LPIN2: variants seen among roughly 807,000 people sequenced by gnomAD.
LPIN2 encodes the protein lipin 2, also known as phosphatidate phosphatase LPIN2.
LPIN2 carries 55 observed loss-of-function variants against 111.4 expected under a neutral mutation model. That is an observed-to-expected ratio of 0.49 (90% CI 0.40 to 0.62). The LOEUF is 0.62. Ranked by LOEUF, LPIN2 falls within the 20% of genes least tolerant of loss-of-function variation. The pLI, the probability that LPIN2 is intolerant of heterozygous loss-of-function variation, is 0.00. For missense variants in LPIN2, 992 were observed against 1,112.1 expected (o/e 0.89, Z 1.54); for synonymous variants, 425 against 414.0 (o/e 1.03, Z -0.32).
At chr18:2,976,294 G>A (rs941726842) in intron 1 of LPIN2, among the ~76,000 whole-genome samples, 3 of 152,156 alleles carry the variant, frequency 2.0e-5, no homozygotes, top group African/African-American at 4.8e-5. Context: ...GTAAGAACCA[G>A]CCAGATGGAC....
chr18:2,932,035 G>A (rs2077218936), intron 8 of LPIN2, among the ~76,000 whole-genome samples: 1 of 152,170 alleles, frequency 6.6e-6, no homozygotes, highest in African/African-American at 2.4e-5. Flanking sequence ...TAAACTGGAT[G>A]TAACTGTTAT....
chr18:2,996,420 A>T (rs1429953811), intron 1 of LPIN2, among the ~76,000 whole-genome samples: 1 of 150,496 alleles, frequency 6.6e-6, no homozygotes, highest in Non-Finnish European at 1.5e-5. Flanking sequence ...AGGCATGGTG[A>T]CGTTGCAGAA....
chr18:2,987,104 T>C (rs1208496131), intron 1 of LPIN2, among the ~76,000 whole-genome samples: 1 of 152,240 alleles, frequency 6.6e-6, no homozygotes, highest in East Asian at 1.9e-4. Flanking sequence ...TTTTCTGTTC[T>C]GGGGTTATAT....
intron 1 of LPIN2, among the ~76,000 whole-genome samples, chr18:2,964,282 C>CAAAAAAAAAAA (rs56276815): frequency 1.8e-5 from 1 of 56,866 alleles, no homozygotes; most frequent in Non-Finnish European, 3.0e-5. Flanking sequence ...GACTCCGTCT[C>CAAAAAAAAAAA]AAAAAAAAAA....
In LPIN2 at chr18:3,006,560, G is replaced by A. The variant is rs116560714; in HGVS notation, c.-10+6527C>T. Among the ~76,000 whole-genome samples the A allele has an allele frequency of 8.8e-3, 1,346 of 152,106 alleles. 13 individuals carry two copies. The highest frequency in any genetic ancestry group is 0.027 in the African/African-American group (1,105 of 41,498). ...TACAAAAATTAGCCAAGCATGGGCC[G>A]GGCGCAGCGGCTCAAGCCTGTAATC... is the stretch of plus-strand genomic sequence containing the variant. On this transcript the variant is annotated intron_variant, in intron 1 of 19. Coordinates refer to ENST00000677752, the MANE Select transcript of LPIN2 (RefSeq NM_001375808.2).
chr18:2,918,572 C>G lies in LPIN2; in HGVS notation c.*1721G>C, dbSNP rs1204628840. On this transcript the variant is annotated 3_prime_UTR_variant, in exon 20 of 20. Transcript: ENST00000677752. ...TAAATAAACTCATTAAACAATTAGT[C>G]CTTATCAACTATTTAAGCTGGGGGA... 3 of 152,148 alleles carry G rather than the reference C, an allele frequency of 2.0e-5. No homozygotes were observed. The highest frequency in any genetic ancestry group is 4.4e-5 in the Non-Finnish European group (3 of 68,036). The allele number at this position is 152,148 out of a possible 1,614,324, so 9.4% of individuals were successfully genotyped here.
chr18:2,946,416 A>T, intron 4 of LPIN2: 1 of 1,465,622 alleles, frequency 6.8e-7, no homozygotes, highest in South Asian at 1.1e-5. Context: ...TTACAGCAAG[A>T]CCAACCCTTT....
chr18:2,924,579 G>A, intron 14 of LPIN2, 33 bp from the exon 15 acceptor site: 1 of 1,609,012 alleles, frequency 6.2e-7, no homozygotes, highest in Non-Finnish European at 8.5e-7. Context: ...AAGAAAATCA[G>A]CTGAAAACAT....
At chr18:2,973,755 TTA>T (rs1485452852) in intron 1 of LPIN2, among the ~76,000 whole-genome samples, 1 of 152,246 alleles carries the variant, frequency 6.6e-6, no homozygotes, top group East Asian at 1.9e-4. Flanking sequence ...TAAAATTCAT[TTA>T]TGTTTCATAT....
At chr18:2,945,648 C>T in intron 4 of LPIN2, 1 of 1,453,122 alleles carries the variant, frequency 6.9e-7, no homozygotes, top group South Asian at 1.1e-5. Flanking sequence ...TGATTTCAAT[C>T]TTTGTTGCAG....
At chr18:2,995,757 G>A (rs573165006) in intron 1 of LPIN2, among the ~76,000 whole-genome samples, 3 of 152,280 alleles carry the variant, frequency 2.0e-5, no homozygotes, top group Admixed American at 6.5e-5. Context: ...CTACCTTGAA[G>A]GGTAAAGATT....
chr18:2,961,312 G>C (rs190398451), intron 1 of LPIN2, among the ~76,000 whole-genome samples: 3 of 152,242 alleles, frequency 2.0e-5, no homozygotes, highest in Non-Finnish European at 4.4e-5. Context: ...CAGAACCAAT[G>C]TAATAAATTA....
intron 10 of LPIN2, 44 bp downstream of exon 10, chr18:2,929,021 A>T (rs1475702686): frequency 1.4e-5 from 18 of 1,286,952 alleles, no homozygotes; most frequent in Non-Finnish European, 1.7e-5. Context: ...ACTTGTAAAA[A>T]AACTGCAAGA....
At chr18:2,943,443 T>C (rs1384612398) in intron 4 of LPIN2, among the ~76,000 whole-genome samples, 1 of 149,886 alleles carries the variant, frequency 6.7e-6, no homozygotes, top group Non-Finnish European at 1.5e-5. Context: ...TGTGTGTGTG[T>C]GTGTGTGTGT....
intron 1 of LPIN2, among the ~76,000 whole-genome samples, chr18:3,012,651 G>A (rs1320558964): frequency 3.3e-5 from 5 of 152,170 alleles, no homozygotes. Context: ...CGCAGGGCCG[G>A]GGGCGGGATG....
intron 5 of LPIN2, 57 bp from the exon 6 acceptor site, chr18:2,939,660 C>T (rs2077342617): frequency 6.3e-7 from 1 of 1,595,600 alleles, no homozygotes; most frequent in South Asian, 1.1e-5. Context: ...TTCAGTCTTG[C>T]TGAGCCTGAC....
chr18:2,993,527 T>C (rs1363860326), intron 1 of LPIN2, among the ~76,000 whole-genome samples: 3 of 152,250 alleles, frequency 2.0e-5, no homozygotes, highest in African/African-American at 7.2e-5. Flanking sequence ...AGCATTCAAC[T>C]CTACTAAGTA....
At chr18:2,946,524 A>C (rs2077454181) in intron 4 of LPIN2, 1 of 1,560,718 alleles carries the variant, frequency 6.4e-7, no homozygotes, top group Non-Finnish European at 8.8e-7. Flanking sequence ...CGGTTGTAGC[A>C]CAGCAAGGCC....
intron 1 of LPIN2, among the ~76,000 whole-genome samples, chr18:3,005,239 A>G (rs532975874): frequency 3.9e-5 from 6 of 152,070 alleles, no homozygotes; most frequent in Non-Finnish European, 8.8e-5. Context: ...AATCCCAGCT[A>G]CTAGGGAAGC....
Sources: gnomAD v4.1 joint callset for allele counts (sites outside exome capture counted in the v4.1 genomes callset) on GRCh38, gnomAD v4.1.1 for gene constraint, MANE v1.5 for transcripts, NCBI Gene and HGNC (gene_info 2026-07-23, HGNC 2026-07-21) for gene names.